The following PARD3 variants were observed in gnomAD, a reference collection of about 807,000 sequenced individuals.
PARD3 encodes the protein par-3 family cell polarity regulator, also known as partitioning defective 3 homolog.
PARD3 carries 75 observed loss-of-function variants against 155.4 expected under a neutral mutation model. The ratio of observed to expected loss-of-function variants is 0.48; its 90% CI spans 0.40 to 0.58. The LOEUF is 0.58. Among genes scored for constraint, PARD3 ranks in the 20% least tolerant of loss-of-function variants. The probability of loss-of-function intolerance (pLI) is 0.00; values close to 1 mark genes in which losing one functional copy is unlikely to be tolerated. For missense variants in PARD3, 1,642 were observed against 1,721.7 expected, an observed-to-expected ratio of 0.95 and a Z score of 0.82; for synonymous variants, 576 against 610.5, an observed-to-expected ratio of 0.94 and a Z score of 0.83.
intron 13 of PARD3, among the ~76,000 whole-genome samples, chr10:34,359,629 T>A (rs568853548): frequency 6.6e-6 from 1 of 152,332 alleles, no homozygotes; most frequent in African/African-American, 2.4e-5. Flanking sequence ...CCATAGAGGT[T>A]ATTTAGAAAC....
intron 19 of PARD3, among the ~76,000 whole-genome samples, chr10:34,323,227 T>TA (rs1380494640): frequency 6.6e-6 from 1 of 152,210 alleles, no homozygotes; most frequent in Non-Finnish European, 1.5e-5. Context: ...CAGCTAGTGA[T>TA]ACACAGATGG....
chr10:34,348,156 C>T (rs767792684), intron 14 of PARD3, 41 bp from the exon 15 acceptor site: 1 of 1,545,102 alleles, frequency 6.5e-7, no homozygotes, highest in Admixed American at 1.9e-5. Context: ...AAATCAGTAC[C>T]TGGAGGCCAA....
intron 22 of PARD3, among the ~76,000 whole-genome samples, chr10:34,266,363 A>G (rs1418168534): frequency 6.6e-6 from 1 of 152,242 alleles, no homozygotes; most frequent in East Asian, 1.9e-4. Context: ...AGGCAGATGA[A>G]GAAGTGCTTT....
chr10:34,602,951 C>T (rs1386336266), intron 2 of PARD3, among the ~76,000 whole-genome samples: 1 of 152,084 alleles, frequency 6.6e-6, no homozygotes. Context: ...ATCATTAGTA[C>T]TTAAAAGTTA....
intron 3 of PARD3, among the ~76,000 whole-genome samples, chr10:34,506,710 A>G (rs1024689943): frequency 2.6e-5 from 4 of 152,214 alleles, no homozygotes; most frequent in African/African-American, 9.6e-5. Flanking sequence ...TATGGAAAAT[A>G]TATCTTGTTC....
chr10:34,131,943 T>G (rs780093658), intron 22 of PARD3, among the ~76,000 whole-genome samples: 2 of 152,198 alleles, frequency 1.3e-5, no homozygotes, highest in Non-Finnish European at 2.9e-5. Flanking sequence ...GGTCCTAGCT[T>G]CTGTACCTTC....
chr10:34,487,716 G>A (rs1564769635), intron 3 of PARD3, among the ~76,000 whole-genome samples: 1 of 151,790 alleles, frequency 6.6e-6, no homozygotes, highest in African/African-American at 2.4e-5. Flanking sequence ...GAATATCTGA[G>A]TGGGAGTCAA....
At chr10:34,722,931 C>T (rs1448546590) in intron 1 of PARD3, among the ~76,000 whole-genome samples, 2 of 152,102 alleles carry the variant, frequency 1.3e-5, no homozygotes, top group Non-Finnish European at 2.9e-5. Flanking sequence ...ACAGAAGAAA[C>T]AAGATTGGCC....
chr10:34,415,891 AACAACTTT>A (rs1321178104), intron 5 of PARD3, among the ~76,000 whole-genome samples: 2 of 152,206 alleles, frequency 1.3e-5, no homozygotes, highest in Non-Finnish European at 2.9e-5. Context: ...AAATACTAAA[AACAACTTT>A]ACATGGAGGG....
At chr10:34,473,022 G>C (rs1384357838) in intron 3 of PARD3, among the ~76,000 whole-genome samples, 1 of 152,178 alleles carries the variant, frequency 6.6e-6, no homozygotes, top group East Asian at 1.9e-4. Flanking sequence ...CTGGGGGAAA[G>C]GGGATTTGAG....
rs574488407 is a variant in PARD3, at chr10:34,303,412, T to C, written c.3065+13695A>G. Among the ~76,000 whole-genome samples the C allele has an allele frequency of 1.1e-3, 161 of 151,244 alleles. 1 individual carries two copies. The highest frequency in any genetic ancestry group is 3.7e-3 in the African/African-American group (154 of 41,230). On this transcript the variant is annotated intron_variant, in intron 20 of 24. Transcript: ENST00000374788. ...CCTGAGATAAATTAAACAGATGTCA[T>C]CACTTTCTCAATTAAGAAAATGATT...
intron 2 of PARD3, among the ~76,000 whole-genome samples, chr10:34,526,621 G>C (rs2082502695): frequency 6.6e-6 from 1 of 152,178 alleles, no homozygotes. Context: ...TCTTCAGCTA[G>C]CTGGATATAG....
chr10:34,741,204 A>C (rs994847524), intron 1 of PARD3, among the ~76,000 whole-genome samples: 1 of 33,826 alleles, frequency 3.0e-5, no homozygotes, highest in African/African-American at 6.3e-5. Flanking sequence ...TGTTTGAGAG[A>C]GAGTGAGTCT....
intron 1 of PARD3, among the ~76,000 whole-genome samples, chr10:34,738,953 G>A (rs560936510): frequency 6.6e-6 from 1 of 152,300 alleles, no homozygotes; most frequent in Non-Finnish European, 1.5e-5. Context: ...GGGGTGTTCA[G>A]TAAATGGTAA....
intron 2 of PARD3, among the ~76,000 whole-genome samples, chr10:34,542,300 T>C (rs756965157): frequency 7.2e-5 from 11 of 151,878 alleles, no homozygotes; most frequent in Non-Finnish European, 1.3e-4. Context: ...TTTTTTACTC[T>C]AGCGTAGTGA....
chr10:34,378,779 C>T (rs987295408), intron 9 of PARD3, among the ~76,000 whole-genome samples: 1 of 152,160 alleles, frequency 6.6e-6, no homozygotes, highest in African/African-American at 2.4e-5. Flanking sequence ...ATCATGGCTA[C>T]CAAATCTGGG....
intron 20 of PARD3, among the ~76,000 whole-genome samples, chr10:34,291,478 A>G (rs538463181): frequency 6.6e-6 from 1 of 152,370 alleles, no homozygotes; most frequent in South Asian, 2.1e-4. Flanking sequence ...ACACTTAGCT[A>G]GAATTTATTG....
At chr10:34,322,380 T>C (rs1958434299) in intron 19 of PARD3, among the ~76,000 whole-genome samples, 2 of 152,212 alleles carry the variant, frequency 1.3e-5, no homozygotes, top group South Asian at 2.1e-4. Context: ...TGAAGAACTC[T>C]AGAACTCAAG....
chr10:34,704,864 A>C lies in PARD3; in HGVS notation c.121-8445T>G, dbSNP rs755497537. Among the ~76,000 whole-genome samples the C allele has an allele frequency of 2.0e-5, 3 of 152,350 alleles. No homozygotes were observed. In the East Asian group the frequency reaches 5.8e-4, roughly 29 times the overall value. ...ACATGATAGTTAAGTTAACAAGACA[A>C]ATAAAGTCCTAGTTAGTGATATAAC... On this transcript the variant is annotated intron_variant, in intron 1 of 24. Coordinates refer to ENST00000374788, the MANE Select transcript of PARD3 (RefSeq NM_001184785.2).
Sources: allele counts gnomAD v4.1 joint callset (sites outside exome capture counted in the v4.1 genomes callset), GRCh38; gene constraint gnomAD v4.1.1; transcripts MANE v1.5; gene names NCBI Gene and HGNC (gene_info 2026-07-23, HGNC 2026-07-21).